COL11A1: variants seen among roughly 807,000 people sequenced by gnomAD.
COL11A1 encodes the protein collagen alpha-1(XI) chain.
Under a neutral mutation model 265.2 loss-of-function variants are expected in COL11A1, and 74 were observed. The observed-to-expected ratio is 0.28, with a 90% CI of 0.23 to 0.34. The LOEUF (loss-of-function observed/expected upper bound fraction) is 0.34. COL11A1 is among the 10% of genes least tolerant of loss of function. The pLI is 1.00. For missense variants in COL11A1, 2,165 were observed against 2,263.6 expected (o/e 0.96, Z 0.88); for synonymous variants, 816 against 727.6 (o/e 1.12, Z -1.96).
intron 1 of COL11A1, among the ~76,000 whole-genome samples, chr1:103,092,779 A>G (rs900280189): frequency 3.3e-5 from 5 of 152,122 alleles, no homozygotes; most frequent in African/African-American, 1.2e-4. Flanking sequence ...GTAAACCTTG[A>G]AAAGCACCAG....
chr1:103,103,436 A>AT (rs1181767235), intron 1 of COL11A1, among the ~76,000 whole-genome samples: 2 of 152,036 alleles, frequency 1.3e-5, no homozygotes. Context: ...TGAATAGAGT[A>AT]TTACGCCTTC....
intron 22 of COL11A1, 87 bp downstream of exon 22, chr1:103,002,660 T>C: frequency 8.0e-7 from 1 of 1,255,214 alleles, no homozygotes; most frequent in Non-Finnish European, 1.2e-6. Context: ...ATGTAATAAA[T>C]CATTATATTT....
chr1:102,888,729 G>C lies in COL11A1; in HGVS notation c.4548C>G (p.Gly1516=), dbSNP rs1651338951. The C allele has an allele frequency of 1.9e-6, 3 of 1,613,966 alleles. No individual in the cohort carries two copies. Among genetic ancestry groups the C allele is most frequent in the Non-Finnish European group, 2.5e-6 (3 of 1,179,906 alleles). Residue 1516 remains glycine, a synonymous_variant, in exon 61 of 67, where the codon GGC becomes GGG. Coordinates refer to ENST00000370096, the MANE Select transcript of COL11A1 (RefSeq NM_001854.4). ...PGPQGPKGNK[G]STGPAGQKGD... Reference sequence around the variant, plus strand: ...CAAAGGGAAAAGTACTTACAGTAGAGCCTTTGTTACCCTTTGGGCCTTGAG... The same window carrying C: ...CAAAGGGAAAAGTACTTACAGTAGACCCTTTGTTACCCTTTGGGCCTTGAG...
chr1:102,879,545 A>T, intron 66 of COL11A1, 138 bp downstream of exon 66: 1 of 752,158 alleles, frequency 1.3e-6, no homozygotes, highest in Non-Finnish European at 2.3e-6. Context: ...ACCATAGTTT[A>T]ACATGTCAAG....
At chr1:103,035,955 A>G (rs761162430) in intron 4 of COL11A1, among the ~76,000 whole-genome samples, 1 of 151,966 alleles carries the variant, frequency 6.6e-6, no homozygotes, top group African/African-American at 2.4e-5. Flanking sequence ...CAACTGAACA[A>G]TTCAGAACAC....
chr1:103,017,107 A>G (rs558555787), intron 11 of COL11A1, among the ~76,000 whole-genome samples: 1 of 152,210 alleles, frequency 6.6e-6, no homozygotes, highest in South Asian at 2.1e-4. Context: ...AACTAACTTT[A>G]TGAACTTTAT....
intron 41 of COL11A1, among the ~76,000 whole-genome samples, chr1:102,954,754 G>T (rs1338270728): frequency 6.6e-6 from 1 of 151,888 alleles, no homozygotes; most frequent in South Asian, 2.1e-4. Flanking sequence ...TGAGACAGGA[G>T]AATCACTTGA....
rs750408202 is a variant in COL11A1, at chr1:103,097,156, G to A, written c.106+10917C>T. On this transcript the variant is annotated intron_variant, in intron 1 of 66. Transcript: ENST00000370096. ...GACAACCTAGTTATGTGTTGATATC[G>A]AAGTATGCACTGACCCTGCTAACTT... Among the ~76,000 whole-genome samples, 14 of 152,036 alleles carry A rather than the reference G, an allele frequency of 9.2e-5. No individual in the cohort carries two copies. The South Asian group carries it at 1.7e-3, about 18-fold the overall frequency.
intron 4 of COL11A1, among the ~76,000 whole-genome samples, chr1:103,070,221 TAA>T: frequency 6.8e-6 from 1 of 148,066 alleles, no homozygotes; most frequent in African/African-American, 2.5e-5. Context: ...ATAATAATAA[TAA>T]TAATAATAAT....
chr1:103,073,477 T>C (rs1334762503), intron 4 of COL11A1, among the ~76,000 whole-genome samples: 1 of 151,802 alleles, frequency 6.6e-6, no homozygotes, highest in Non-Finnish European at 1.5e-5. Context: ...GTGTTGGATA[T>C]TGGGATATCT....
intron 1 of COL11A1, among the ~76,000 whole-genome samples, chr1:103,101,741 GAAA>G (rs113936585): frequency 2.1e-4 from 29 of 139,732 alleles, no homozygotes; most frequent in African/African-American, 6.7e-4. Flanking sequence ...TGCTTTTTAA[GAAA>G]AAAAAAAAAG....
intron 5 of COL11A1, among the ~76,000 whole-genome samples, chr1:103,029,411 T>C (rs1667805500): frequency 6.7e-6 from 1 of 149,598 alleles, no homozygotes; most frequent in Non-Finnish European, 1.5e-5. Context: ...TATAATGACA[T>C]ATTAATAGAT....
chr1:103,011,277 A>T (rs1666103470), intron 14 of COL11A1, among the ~76,000 whole-genome samples: 1 of 152,168 alleles, frequency 6.6e-6, no homozygotes, highest in African/African-American at 2.4e-5. Context: ...ACTCTATTTC[A>T]TTGGTTAAGT....
Position 103,012,392 on chromosome 1 carries a change from ATC to A in COL11A1, c.1629+19_1629+20del. ...TAATTTGAAAATTTTAACATATATT[ATC>A]TTTGTTGGGGTAACCTACCACAGGA... On this transcript the variant is annotated intron_variant, in intron 14 of 66. Transcript: ENST00000370096. The A allele has an allele frequency of 6.2e-7, 1 of 1,604,944 alleles. No homozygotes were observed.
At chr1:102,962,604 C>T in intron 39 of COL11A1, 49 bp downstream of exon 39, 1 of 1,504,330 alleles carries the variant, frequency 6.6e-7, no homozygotes, top group Non-Finnish European at 9.3e-7. Context: ...TATAGTTAAA[C>T]ATAAATTAAA....
At chr1:102,985,863 C>T (rs1395399044) in intron 30 of COL11A1, among the ~76,000 whole-genome samples, 2 of 152,070 alleles carry the variant, frequency 1.3e-5, no homozygotes, top group Non-Finnish European at 2.9e-5. Context: ...GCCTTGTTTT[C>T]CCCTGATCTT....
intron 1 of COL11A1, among the ~76,000 whole-genome samples, chr1:103,104,790 G>C (rs1274082692): frequency 6.6e-6 from 1 of 152,138 alleles, no homozygotes; most frequent in African/African-American, 2.4e-5. Flanking sequence ...AATGAGTTTA[G>C]CAAACACTGC....
chr1:103,007,124 A>G (rs762194345), intron 15 of COL11A1, among the ~76,000 whole-genome samples: 5 of 151,956 alleles, frequency 3.3e-5, no homozygotes, highest in Non-Finnish European at 7.4e-5. Flanking sequence ...TCTTTAACCT[A>G]TTTTTCCCCA....
intron 41 of COL11A1, among the ~76,000 whole-genome samples, chr1:102,956,981 A>C (rs6663034): frequency 0.62 from 94,613 of 151,616 alleles, 31,367 homozygotes; most frequent in East Asian, 0.91. Context: ...AGCTATGGTT[A>C]GCAAGAGATT....
Sources: gnomAD v4.1 joint callset for allele counts (sites outside exome capture counted in the v4.1 genomes callset) on GRCh38, gnomAD v4.1.1 for gene constraint, MANE v1.5 for transcripts, NCBI Gene and HGNC (gene_info 2026-07-23, HGNC 2026-07-21) for gene names.